Variants in REV1 observed in about 807,000 individuals in gnomAD.
REV1 encodes the protein translesion synthesis protein REV1.
A neutral mutation model predicts 137.4 loss-of-function variants in REV1; 42 were observed. The observed-to-expected ratio is 0.31, with a 90% CI of 0.24 to 0.40. REV1 has a LOEUF of 0.40. REV1 is among the 10% of genes least tolerant of loss of function. The pLI is 1.00. For synonymous variants in REV1, 524 were observed against 519.2 expected (o/e 1.01, Z -0.12); for missense variants, 1,282 against 1,490.1 (o/e 0.86, Z 2.30).
intron 1 of REV1, among the ~76,000 whole-genome samples, chr2:99,472,853 A>T (rs1363319272): frequency 6.6e-6 from 1 of 152,234 alleles, no homozygotes; most frequent in East Asian, 1.9e-4. Context: ...CTGTCCTTTA[A>T]TGGTAAAAGT....
At chr2:99,462,391 A>G in intron 3 of REV1, 105 bp downstream of exon 3, 2 of 1,057,936 alleles carry the variant, frequency 1.9e-6, no homozygotes, top group Admixed American at 5.3e-5. Context: ...TCATCTTACA[A>G]TCATTTGTCT....
intron 2 of REV1, among the ~76,000 whole-genome samples, chr2:99,463,452 G>C (rs1363870720): frequency 6.6e-6 from 1 of 152,128 alleles, no homozygotes; most frequent in Non-Finnish European, 1.5e-5. Flanking sequence ...CCAGAAGGTG[G>C]AGGTTGCAAA....
chr2:99,406,637 C>G (rs1422162275), intron 15 of REV1, 147 bp from the exon 16 acceptor site: 2 of 565,718 alleles, frequency 3.5e-6, no homozygotes, highest in Non-Finnish European at 5.6e-6. Context: ...AAACAGCATT[C>G]TATATGACTT....
chr2:99,416,572 A>G (rs1358726794), intron 12 of REV1, among the ~76,000 whole-genome samples: 1 of 152,214 alleles, frequency 6.6e-6, no homozygotes, highest in Non-Finnish European at 1.5e-5. Context: ...AATCTCCCTT[A>G]GGAAATTCAA....
intron 1 of REV1, among the ~76,000 whole-genome samples, chr2:99,480,803 T>G (rs762327966): frequency 5.9e-5 from 9 of 152,178 alleles, no homozygotes; most frequent in Non-Finnish European, 4.4e-5. Flanking sequence ...AAGTTGTCAC[T>G]GCTTCTGGAA....
chr2:99,460,767 G>A (rs866844307), intron 3 of REV1, among the ~76,000 whole-genome samples: 8 of 151,518 alleles, frequency 5.3e-5, no homozygotes, highest in African/African-American at 1.9e-4. Flanking sequence ...AATAACAAGA[G>A]CAAAAATATT....
chr2:99,439,889 C>T (rs781105507), intron 5 of REV1, among the ~76,000 whole-genome samples: 10 of 152,124 alleles, frequency 6.6e-5, no homozygotes, highest in Non-Finnish European at 1.3e-4. Flanking sequence ...AAATCTAATA[C>T]GAAACCAGAT....
intron 15 of REV1, chr2:99,407,077 G>GTTTT (rs1293864331): frequency 7.9e-4 from 37 of 46,780 alleles, no homozygotes; most frequent in African/African-American, 2.5e-3. Context: ...ACCTACAAAG[G>GTTTT]TTCTTTTTTT....
intron 5 of REV1, 109 bp from the exon 6 acceptor site, chr2:99,439,419 AAAAACAGAAAATTCT>A: frequency 1.5e-6 from 1 of 664,458 alleles, no homozygotes; most frequent in South Asian, 2.6e-5. Context: ...TTCCCCCTTT[AAAAACAGAAAATTCT>A]TATATTGAAT....
chr2:99,477,143 T>C (rs1480066680), intron 1 of REV1, among the ~76,000 whole-genome samples: 1 of 152,112 alleles, frequency 6.6e-6, no homozygotes, highest in Non-Finnish European at 1.5e-5. Flanking sequence ...TTCTTACTTT[T>C]AGTAATGGAA....
chr2:99,488,179 T>C lies in REV1; in HGVS notation c.-11+1638A>G, dbSNP rs1417187604. ...TATATGTAGTCACTGCAACTTCTTA[T>C]GAATAATGACCAGTTTGTTGCTGGT... On this transcript the variant is annotated intron_variant, in intron 1 of 22. Transcript: ENST00000258428. Among the ~76,000 whole-genome samples, 3 of 119,178 alleles carry C rather than the reference T, an allele frequency of 2.5e-5. 1 individual carries two copies. Among genetic ancestry groups the C allele is most frequent in the African/African-American group, 9.0e-5 (3 of 33,300 alleles). The allele number at this position is 119,178 out of a possible 152,430, so 78.2% of individuals were successfully genotyped here. A position where few individuals can be genotyped will look rare whatever the true frequency, so the allele number is the denominator to read the frequency against.
chr2:99,414,826 A>G (rs965660961), intron 12 of REV1, among the ~76,000 whole-genome samples: 1 of 152,236 alleles, frequency 6.6e-6, no homozygotes, highest in African/African-American at 2.4e-5. Context: ...GCAAGAGACA[A>G]TCATCATCCT....
intron 4 of REV1, among the ~76,000 whole-genome samples, chr2:99,448,770 T>C (rs1394945210): frequency 6.6e-6 from 1 of 152,206 alleles, no homozygotes; most frequent in Non-Finnish European, 1.5e-5. Flanking sequence ...TGCACACATA[T>C]TTGTTGAATA....
chr2:99,471,259 G>A (rs1007299758), intron 1 of REV1, among the ~76,000 whole-genome samples: 11 of 152,076 alleles, frequency 7.2e-5, no homozygotes, highest in African/African-American at 2.4e-4. Context: ...CTAAGGAACT[G>A]GTTAATAAAG....
At chr2:99,478,966 A>G (rs1367585480) in intron 1 of REV1, among the ~76,000 whole-genome samples, 7 of 152,216 alleles carry the variant, frequency 4.6e-5, no homozygotes, top group African/African-American at 1.7e-4. Context: ...ATGATGCTAC[A>G]ACGTGTCCTA....
At chr2:99,401,373 A>T in intron 22 of REV1, 21 bp from the exon 23 acceptor site, 1 of 1,531,426 alleles carries the variant, frequency 6.5e-7, no homozygotes. Flanking sequence ...GGAGAGAAGA[A>T]ATGTCATTAG....
intron 3 of REV1, among the ~76,000 whole-genome samples, chr2:99,451,848 C>T (rs1165581071): frequency 6.6e-6 from 1 of 152,112 alleles, no homozygotes; most frequent in South Asian, 2.1e-4. Flanking sequence ...AACAGACCTG[C>T]CAATAGTGCA....
Position 99,424,161 on chromosome 2 carries a change from G to A in REV1, c.1667C>T (p.Thr556Ile), listed in dbSNP as rs144957760. Residue 556 changes from threonine to isoleucine, a missense_variant, in exon 10 of 23, where the codon ACA becomes ATA. Physicochemically the swap from Thr to Ile is moderately conservative, Grantham distance 89 (BLOSUM62 -1). Coordinates refer to ENST00000258428, the MANE Select transcript of REV1 (RefSeq NM_016316.4). ...GTTTGATACACTGTACCTTGCCAAT[G>A]TTTCATACAATGTTTGTGCGACTTC... Reference protein sequence around the residue: ...YKEVAQTLYETLASYTHNIEA... With the variant: ...YKEVAQTLYEILASYTHNIEA... 3.1e-6 allele frequency: 5 copies of A among 1,613,712 alleles called. No homozygotes were observed. Among genetic ancestry groups the A allele is most frequent in the Non-Finnish European group, 3.4e-6 (4 of 1,179,854 alleles).
In REV1 at chr2:99,418,772, A is replaced by G. The variant is rs1298857247; in HGVS notation, c.1951+56T>C. On this transcript the variant is annotated intron_variant, in intron 12 of 22. Coordinates refer to ENST00000258428, the MANE Select transcript of REV1 (RefSeq NM_016316.4). The stretch of plus-strand genomic sequence containing the variant: ...GGTCTCACAGTTCTATATTATAGAT[A>G]TGAAAAGTACTTGTAATGCCTGTAA... The G allele has an allele frequency of 5.9e-6, 9 of 1,514,468 alleles. No homozygotes were observed. In the African/African-American group the frequency reaches 1.1e-4, roughly 19 times the overall value. 93.8% of individuals were successfully genotyped at this position (1,514,468 alleles called of 1,614,324 possible).
Sources: gnomAD v4.1 joint callset for allele counts (sites outside exome capture counted in the v4.1 genomes callset) on GRCh38, gnomAD v4.1.1 for gene constraint, MANE v1.5 for transcripts, NCBI Gene and HGNC (gene_info 2026-07-23, HGNC 2026-07-21) for gene names.